The following NUP133 variants were observed in gnomAD, a reference collection of about 807,000 sequenced individuals.
NUP133 encodes nuclear pore complex protein Nup133.
In NUP133, 66 loss-of-function variants were observed where a neutral mutation model predicts 146.2. That is an observed-to-expected ratio of 0.45 (90% confidence interval 0.37 to 0.55). The LOEUF (loss-of-function observed/expected upper bound fraction) is 0.55, where lower values mean the gene tolerates loss of function less well. Among genes scored for constraint, NUP133 ranks in the 20% least tolerant of loss-of-function variants. The pLI is 0.00. For synonymous variants in NUP133, 521 were observed against 498.8 expected (o/e 1.04, Z -0.59); for missense variants, 1,277 against 1,374.8 (o/e 0.93, Z 1.12).
intron 9 of NUP133, 31 bp from the exon 10 acceptor site, chr1:229,487,644 A>C: frequency 6.6e-7 from 1 of 1,512,766 alleles, no homozygotes; most frequent in Non-Finnish European, 9.0e-7. Flanking sequence ...TACATTTAAC[A>C]AGAAGTAAAA....
chr1:229,463,683 G>A lies in NUP133; in HGVS notation c.2552-7C>T. The A allele has an allele frequency of 6.3e-7, 1 of 1,585,118 alleles. No homozygotes were observed. Among genetic ancestry groups the A allele is most frequent in the Non-Finnish European group, 8.5e-7 (1 of 1,171,584 alleles). On this transcript the variant is annotated splice_region_variant and splice_polypyrimidine_tract_variant and intron_variant, in intron 18 of 25. Coordinates refer to ENST00000261396, the MANE Select transcript of NUP133 (RefSeq NM_018230.3). ...AGGTACTGGCCTAGTGAAACTGTGG[G>A]AATGAGAAAAGATGGGAAAAAATCC...
chr1:229,493,170 T>C (rs1571935725), intron 8 of NUP133, among the ~76,000 whole-genome samples: 1 of 152,282 alleles, frequency 6.6e-6, no homozygotes, highest in South Asian at 2.1e-4. Flanking sequence ...TAAAATAATT[T>C]ATTTATTTTT....
At chr1:229,446,776 TAAAAC>T (rs147206931) in intron 24 of NUP133, among the ~76,000 whole-genome samples, 8,179 of 150,678 alleles carry the variant, frequency 0.054, 657 homozygotes, top group African/African-American at 0.18. Context: ...AATAAATAAA[TAAAAC>T]AAAATCATAG....
chr1:229,501,865 G>T, intron 3 of NUP133, 134 bp downstream of exon 3: 1 of 630,678 alleles, frequency 1.6e-6, no homozygotes, highest in Non-Finnish European at 2.8e-6. Flanking sequence ...ACATCACTAT[G>T]AAAATGCAAA....
intron 23 of NUP133, 78 bp from the exon 24 acceptor site, chr1:229,449,268 A>C (rs1660386539): frequency 2.4e-6 from 2 of 829,732 alleles, no homozygotes; most frequent in Admixed American, 4.7e-5. Context: ...CATTATGTTA[A>C]TACTACATAC....
At chr1:229,449,285 G>A (rs2102747267) in intron 23 of NUP133, 95 bp from the exon 24 acceptor site, 1 of 708,606 alleles carries the variant, frequency 1.4e-6, no homozygotes, top group East Asian at 2.7e-5. Flanking sequence ...ATACATAGAA[G>A]CCAATTAATA....
chr1:229,475,567 GAA>G, intron 14 of NUP133, 69 bp downstream of exon 14: 1 of 1,109,444 alleles, frequency 9.0e-7, no homozygotes, highest in Non-Finnish European at 1.4e-6. Context: ...AAAATAGAGA[GAA>G]GAGACTTCCC....
chr1:229,481,677 T>TG (rs1661214821), intron 12 of NUP133, among the ~76,000 whole-genome samples: 1 of 146,500 alleles, frequency 6.8e-6, no homozygotes, highest in South Asian at 2.1e-4. Flanking sequence ...CTGGCCTGGA[T>TG]GACAGAGTGA....
intron 2 of NUP133, among the ~76,000 whole-genome samples, chr1:229,505,704 T>C (rs1051613604): frequency 6.7e-6 from 1 of 150,062 alleles, no homozygotes; most frequent in African/African-American, 2.5e-5. Flanking sequence ...CTGGCCAACA[T>C]GGTGAAACCC....
rs755325194 is a variant in NUP133, at chr1:229,441,965, T to C, written c.3410A>G (p.Asn1137Ser). Residue 1137 changes from asparagine (N) to serine (S), a missense_variant, in exon 26 of 26, where the codon AAT becomes AGT. This residue lies in a region of NUP133 where 952 missense variants were observed against 1,047.0 expected (regional missense o/e 0.91). Transcript: ENST00000261396. ...QADQLGSLKS[N>S]PYFEFVLKAN... ...TTTCAAAACAAACTCGAAGTAAGGATTGGACTTTAAGCTTCCAAGCTGATC... is the reference window on the plus strand; with the variant it reads ...TTTCAAAACAAACTCGAAGTAAGGACTGGACTTTAAGCTTCCAAGCTGATC... 5.7e-6 allele frequency: 9 copies of C among 1,591,698 alleles called. No homozygotes were observed. Among genetic ancestry groups the C allele is most frequent in the Non-Finnish European group, 6.8e-6 (8 of 1,174,244 alleles).
rs1412420047 is a variant in NUP133 at position 229,495,417 on chromosome 1, CTCA to C, written c.1046+75_1046+77del. On this transcript the variant is annotated intron_variant, in intron 8 of 25. Coordinates refer to ENST00000261396, the MANE Select transcript of NUP133 (RefSeq NM_018230.3). ...AAAGAAAGAGCACATAGTGAGATTG[CTCA>C]TCATTTTATTATAAACATCAACTTA... 101 of 961,114 alleles carry C rather than the reference CTCA, an allele frequency of 1.1e-4. No homozygotes were observed. The Middle Eastern group carries it at 3.3e-3, about 31-fold the overall frequency. 59.5% of individuals were successfully genotyped at this position (961,114 alleles called of 1,614,324 possible).
At position 229,450,514 on chromosome 1, in the gene NUP133, AT is replaced by A; in HGVS notation, c.3180+10del. 6.7e-7 allele frequency: 1 copy of A among 1,482,750 alleles called. No homozygotes were observed. Among genetic ancestry groups the A allele is most frequent in the Admixed American group, 1.9e-5 (1 of 51,668 alleles). The allele number at this position is 1,482,750 out of a possible 1,614,324, so 91.8% of individuals were successfully genotyped here. Reference sequence around the variant, plus strand: ...CAGTTGCCTGAGATCATCTCAAGCAATTTTACTTACCTCATCAATATATTCC... The same window carrying A: ...CAGTTGCCTGAGATCATCTCAAGCAATTTACTTACCTCATCAATATATTCC... On this transcript the variant is annotated intron_variant, in intron 23 of 25. Coordinates refer to ENST00000261396, the MANE Select transcript of NUP133 (RefSeq NM_018230.3).
chr1:229,495,366 G>A (rs931670076), intron 8 of NUP133, 129 bp downstream of exon 8: 15 of 664,682 alleles, frequency 2.3e-5, no homozygotes, highest in South Asian at 5.5e-5. Context: ...ATTCCAGCCC[G>A]GGTGATAGAG....
intron 19 of NUP133, among the ~76,000 whole-genome samples, chr1:229,463,307 G>C (rs1660732932): frequency 6.6e-6 from 1 of 152,194 alleles, no homozygotes; most frequent in African/African-American, 2.4e-5. Flanking sequence ...GTGGGAGGGG[G>C]TGAGGTGGGA....
intron 21 of NUP133, among the ~76,000 whole-genome samples, chr1:229,452,920 TGAA>T (rs1159606735): frequency 6.6e-6 from 1 of 152,162 alleles, no homozygotes; most frequent in African/African-American, 2.4e-5. Flanking sequence ...GTTCAATGCT[TGAA>T]GAAGTTGGAG....
At position 229,484,103 on chromosome 1, in the gene NUP133, G is replaced by C. The variant is rs770061471; in HGVS notation, c.1543C>G (p.Gln515Glu). 3 of 1,612,952 alleles carry C rather than the reference G, an allele frequency of 1.9e-6. No homozygotes were observed. The highest frequency in any genetic ancestry group is 2.5e-6 in the Non-Finnish European group (3 of 1,179,404). The stretch of plus-strand genomic sequence containing the variant: ...TTCAGCAACTTGATTTTATCTTCCT[G>C]GGCTATAGTTTCATTCTTTGTAGTG... ...ETTTKNETIA[Q>E]EDKIKLLKAA... The change falls in exon 12 of 26, where the codon CAG (glutamine) becomes GAG (glutamate). Residue 515 changes from glutamine to glutamate, a missense_variant. This residue lies in a region of NUP133 where 952 missense variants were observed against 1,047.0 expected (regional missense o/e 0.91). Transcript: ENST00000261396.
chr1:229,448,016 TCG>T (rs1434871221), intron 24 of NUP133, among the ~76,000 whole-genome samples: 2 of 152,236 alleles, frequency 1.3e-5, no homozygotes, highest in Non-Finnish European at 2.9e-5. Flanking sequence ...CTAGTCGTCC[TCG>T]CTGCTCATTA....
intron 5 of NUP133, 21 bp from the exon 6 acceptor site, chr1:229,498,327 G>A (rs368684244): frequency 2.6e-6 from 4 of 1,538,956 alleles, no homozygotes; most frequent in Admixed American, 2.3e-5. Flanking sequence ...ACATTATGAG[G>A]TTAGTTCAGT....
intron 15 of NUP133, among the ~76,000 whole-genome samples, chr1:229,468,421 G>A (rs1156700219): frequency 6.6e-6 from 1 of 152,154 alleles, no homozygotes; most frequent in African/African-American, 2.4e-5. Flanking sequence ...CTACACCCCA[G>A]AGAAGCTAAA....
Sources: gnomAD v4.1 joint callset for allele counts (sites outside exome capture counted in the v4.1 genomes callset) on GRCh38, gnomAD v4.1.1 for gene constraint, gnomAD v4.1.1 regional missense constraint, MANE v1.5 for transcripts, NCBI Gene and HGNC (gene_info 2026-07-23, HGNC 2026-07-21) for gene names.